ARHGAP29: variants seen among roughly 807,000 people sequenced by gnomAD.
ARHGAP29 encodes the protein rho GTPase-activating protein 29.
In ARHGAP29, 43 loss-of-function variants were observed where a neutral mutation model predicts 122.6. That is an observed-to-expected ratio of 0.35 (90% CI 0.27 to 0.45). The LOEUF is 0.45. Ranked by LOEUF, ARHGAP29 falls within the 20% of genes least tolerant of loss-of-function variation. ARHGAP29 has a pLI of 1.00. For missense variants in ARHGAP29, 1,303 were observed against 1,477.2 expected (o/e 0.88, Z 1.93); for synonymous variants, 506 against 497.1 (o/e 1.02, Z -0.24).
intron 1 of ARHGAP29, chr1:94,247,727 C>G (rs1653873728): frequency 5.3e-6 from 4 of 758,054 alleles, no homozygotes; most frequent in Non-Finnish European, 6.4e-6. Context: ...ACCACCACAG[C>G]GGCCGCCGCC....
intron 1 of ARHGAP29, among the ~76,000 whole-genome samples, chr1:94,242,666 A>G (rs952669009): frequency 6.6e-6 from 1 of 151,262 alleles, no homozygotes; most frequent in Non-Finnish European, 1.5e-5. Context: ...AACAAATGGA[A>G]CAAATAAAAA....
At chr1:94,189,473 T>C in intron 13 of ARHGAP29, 121 bp from the exon 14 acceptor site, 3 of 1,214,074 alleles carry the variant, frequency 2.5e-6, no homozygotes, top group East Asian at 2.6e-5. Context: ...TTAAACTAAA[T>C]ATTAAAAACA....
chr1:94,307,843 A>C, the ARHGAP29 span, among the ~76,000 whole-genome samples: 1 of 152,250 alleles, frequency 6.6e-6, no homozygotes, highest in Admixed American at 6.5e-5. Context: ...GACATATAAG[A>C]GGGTAGTTAT....
At chr1:94,311,609 G>A in the ARHGAP29 span, among the ~76,000 whole-genome samples, 15 of 152,310 alleles carry the variant, frequency 9.8e-5, no homozygotes, top group East Asian at 2.9e-3. Context: ...AATTTTAAGT[G>A]ATCTCAAACC....
chr1:94,268,431 C>G (rs1175819876), intron 1 of ARHGAP29, among the ~76,000 whole-genome samples: 2 of 152,120 alleles, frequency 1.3e-5, no homozygotes, highest in Non-Finnish European at 2.9e-5. Flanking sequence ...ATTGGCATCC[C>G]TGAACCCACT....
chr1:94,198,627 C>G (rs908407153), intron 12 of ARHGAP29, among the ~76,000 whole-genome samples: 1 of 152,162 alleles, frequency 6.6e-6, no homozygotes, highest in African/African-American at 2.4e-5. Flanking sequence ...TCTAACACAA[C>G]TTATTAAAGG....
intron 1 of ARHGAP29, among the ~76,000 whole-genome samples, chr1:94,235,526 T>C (rs190626631): frequency 1.3e-5 from 2 of 152,324 alleles, no homozygotes; most frequent in Non-Finnish European, 2.9e-5. Context: ...GTGGCTTCAC[T>C]ACAATACATA....
intron 12 of ARHGAP29, among the ~76,000 whole-genome samples, chr1:94,196,699 T>C (rs1024662526): frequency 3.3e-5 from 5 of 152,080 alleles, no homozygotes; most frequent in African/African-American, 1.2e-4. Flanking sequence ...CCCACCATAA[T>C]AGAATTAAAC....
At chr1:94,222,974 C>T (rs554673054) in intron 2 of ARHGAP29, among the ~76,000 whole-genome samples, 130 of 148,006 alleles carry the variant, frequency 8.8e-4, no homozygotes, top group African/African-American at 3.0e-3. Flanking sequence ...GACGGAGTCT[C>T]GCTCTGTCTC....
intron 1 of ARHGAP29, among the ~76,000 whole-genome samples, chr1:94,255,426 A>C (rs987722105): frequency 6.6e-6 from 1 of 152,154 alleles, no homozygotes; most frequent in African/African-American, 2.4e-5. Flanking sequence ...TGGCAGTCCT[A>C]GCAGAGTAAC....
At position 94,202,737 on chromosome 1, in the gene ARHGAP29, A is replaced by G; in HGVS notation, c.955-5T>C. 6.2e-7 allele frequency: 1 copy of G among 1,611,780 alleles called. No individual in the cohort carries two copies. The highest frequency in any genetic ancestry group is 8.5e-7 in the Non-Finnish European group (1 of 1,179,448). ...GAGAGCATTCTCTGCTTCAAGCTAC[A>G]CCGAAAAGAGTATTAAACACAGAAT... On this transcript the variant is annotated splice_polypyrimidine_tract_variant and splice_region_variant and intron_variant, in intron 10 of 22. Transcript: ENST00000260526.
chr1:94,202,863 C>T (rs1312724272), intron 10 of ARHGAP29, 55 bp downstream of exon 10: 2 of 1,553,316 alleles, frequency 1.3e-6, no homozygotes. Context: ...GTATATACTG[C>T]AGATTATTTT....
chr1:94,237,067 T>C (rs948179340), intron 1 of ARHGAP29, among the ~76,000 whole-genome samples: 1 of 151,854 alleles, frequency 6.6e-6, no homozygotes, highest in Non-Finnish European at 1.5e-5. Flanking sequence ...ATTAAAAGAG[T>C]TAAAATGTGC....
the ARHGAP29 span, among the ~76,000 whole-genome samples, chr1:94,294,128 G>A: frequency 2.6e-5 from 4 of 152,100 alleles, no homozygotes; most frequent in African/African-American, 4.8e-5. Flanking sequence ...CATATCACAG[G>A]TGCTGTTCAA....
the ARHGAP29 span, among the ~76,000 whole-genome samples, chr1:94,282,717 C>T: frequency 6.6e-6 from 1 of 152,132 alleles, no homozygotes; most frequent in African/African-American, 2.4e-5. Flanking sequence ...AGGTCCATGG[C>T]CCTGAGGTTT....
At chr1:94,292,973 A>G in the ARHGAP29 span, among the ~76,000 whole-genome samples, 1 of 152,186 alleles carries the variant, frequency 6.6e-6, no homozygotes, top group South Asian at 2.1e-4. Flanking sequence ...CATGCTGGGA[A>G]AACCACTGCT....
At chr1:94,185,777 A>G (rs887890488) in intron 16 of ARHGAP29, among the ~76,000 whole-genome samples, 1 of 152,176 alleles carries the variant, frequency 6.6e-6, no homozygotes, top group Non-Finnish European at 1.5e-5. Context: ...TGTTATTAAT[A>G]TGCTCTTTCA....
intron 11 of ARHGAP29, 35 bp from the exon 12 acceptor site, chr1:94,201,892 G>T (rs542423023): frequency 6.7e-7 from 1 of 1,488,112 alleles, no homozygotes; most frequent in South Asian, 1.3e-5. Context: ...AATAACACTA[G>T]AATTTATATT....
At chr1:94,267,284 A>G (rs1304708967) in intron 1 of ARHGAP29, among the ~76,000 whole-genome samples, 2 of 152,194 alleles carry the variant, frequency 1.3e-5, no homozygotes, top group East Asian at 1.9e-4. Flanking sequence ...TGTGTTCTCA[A>G]TTAGGATGTG....
Sources: allele counts gnomAD v4.1 joint callset (sites outside exome capture counted in the v4.1 genomes callset), GRCh38; gene constraint gnomAD v4.1.1; transcripts MANE v1.5; gene names NCBI Gene and HGNC (gene_info 2026-07-23, HGNC 2026-07-21).